The following ALDH1A2 variants were observed in gnomAD, a reference collection of about 807,000 sequenced individuals.
ALDH1A2 encodes the protein retinal dehydrogenase 2.
ALDH1A2 carries 27 observed loss-of-function variants against 60.3 expected under a neutral mutation model. That is an observed-to-expected ratio of 0.45 (90% CI 0.33 to 0.62). The LOEUF (loss-of-function observed/expected upper bound fraction) is 0.62. Ranked by LOEUF, ALDH1A2 falls within the 20% of genes least tolerant of loss-of-function variation. ALDH1A2 has a pLI of 0.02. For missense variants in ALDH1A2, 581 were observed against 643.8 expected, an observed-to-expected ratio of 0.90 and a Z score of 1.06; for synonymous variants, 289 against 232.4, an observed-to-expected ratio of 1.24 and a Z score of -2.21.
At position 58,062,199 on chromosome 15, in the gene ALDH1A2, A is replaced by G. The variant is rs115453470; in HGVS notation, c.117+3335T>C. Reference sequence around the variant, plus strand: ...CTTCCTCCCTGTGTTTCAGCCCCATATAATATCAGATGCAGAAAAAAAAAA... The same window carrying G: ...CTTCCTCCCTGTGTTTCAGCCCCATGTAATATCAGATGCAGAAAAAAAAAA... On this transcript the variant is annotated intron_variant, in intron 1 of 12. Coordinates refer to ENST00000249750, the MANE Select transcript of ALDH1A2 (RefSeq NM_003888.4). Among the ~76,000 whole-genome samples, 960 of 152,184 alleles carry G rather than the reference A, an allele frequency of 6.3e-3. 16 individuals are homozygous for G. The highest frequency in any genetic ancestry group is 0.022 in the African/African-American group (912 of 41,496).
At chr15:57,965,050 T>A (rs1303566071) in intron 8 of ALDH1A2, among the ~76,000 whole-genome samples, 3 of 151,500 alleles carry the variant, frequency 2.0e-5, no homozygotes, top group African/African-American at 7.3e-5. Context: ...GATGGTGGGA[T>A]TTCCTTACCT....
Position 57,985,681 on chromosome 15 carries a change from A to G in ALDH1A2, c.798+7024T>C, listed in dbSNP as rs188610521. Reference sequence around the variant, plus strand: ...TCTTTCCTCCTTCATGTAGCAACAAATATTTACTATGTATGTTTACTATAC... The same window carrying G: ...TCTTTCCTCCTTCATGTAGCAACAAGTATTTACTATGTATGTTTACTATAC... On this transcript the variant is annotated intron_variant, in intron 7 of 12. Transcript: ENST00000249750. Among the ~76,000 whole-genome samples, 33 of 152,266 alleles carry G rather than the reference A, an allele frequency of 2.2e-4. 2 individuals carry two copies. The highest frequency in any genetic ancestry group is 2.0e-3 in the Admixed American group (31 of 15,298).
chr15:58,027,622 A>G (rs1325920648), intron 1 of ALDH1A2, among the ~76,000 whole-genome samples: 1 of 152,172 alleles, frequency 6.6e-6, no homozygotes, highest in Non-Finnish European at 1.5e-5. Flanking sequence ...AGCATGTTCT[A>G]ACCCATCACA....
At position 58,010,753 on chromosome 15, in the gene ALDH1A2, T is replaced by G; in HGVS notation, c.389A>C (p.Lys130Thr). 6.2e-7 allele frequency: 1 copy of G among 1,613,418 alleles called. No homozygotes were observed. Among genetic ancestry groups the G allele is most frequent in the Non-Finnish European group, 8.5e-7 (1 of 1,179,480 alleles). Reference protein sequence around the residue: ...LATMESLNGGKPFLQAFYVDL... With the variant: ...LATMESLNGGTPFLQAFYVDL... ...CACATAAAAAGCTTGCAGGAATGGT[T>G]TGCCACCATTTAGGGATTCCATGGT... is the stretch of plus-strand genomic sequence containing the variant. Residue 130 changes from lysine to threonine, a missense_variant, in exon 4 of 13, where the codon AAA (lysine) becomes ACA (threonine). Lys to Thr is a moderately conservative substitution (Grantham distance 78). This residue lies in a region of ALDH1A2 where 206 missense variants were observed against 174.1 expected (regional missense o/e 1.18). Coordinates refer to ENST00000249750, the MANE Select transcript of ALDH1A2 (RefSeq NM_003888.4).
At chr15:58,007,696 C>A (rs1895503863) in intron 4 of ALDH1A2, among the ~76,000 whole-genome samples, 1 of 151,328 alleles carries the variant, frequency 6.6e-6, no homozygotes, top group Non-Finnish European at 1.5e-5. Flanking sequence ...CTTTATAATT[C>A]CCAACATAAA....
chr15:57,973,520 C>T lies in ALDH1A2; in HGVS notation c.799-7693G>A, dbSNP rs150407136. ...GTTCACTCTGGAAGAATCTATACAA[C>T]TTCTCAGGTAGCCTGCAAAGTTAGA... On this transcript the variant is annotated intron_variant, in intron 7 of 12. Transcript: ENST00000249750. Among the ~76,000 whole-genome samples, 359 of 152,286 alleles carry T rather than the reference C, an allele frequency of 2.4e-3. 1 individual carries two copies. The highest frequency in any genetic ancestry group is 8.3e-3 in the African/African-American group (346 of 41,564).
chr15:58,030,104 C>A (rs191706334), intron 1 of ALDH1A2, among the ~76,000 whole-genome samples: 117 of 152,248 alleles, frequency 7.7e-4, no homozygotes, highest in African/African-American at 2.6e-3. Context: ...AATTTTAGAC[C>A]AATATCCCTG....
intron 7 of ALDH1A2, 30 bp from the exon 8 acceptor site, chr15:57,965,857 G>C (rs541460118): frequency 6.4e-7 from 1 of 1,573,656 alleles, no homozygotes; most frequent in African/African-American, 1.3e-5. Context: ...GACAGGTTTT[G>C]CAAATCCTGC....
At chr15:57,995,517 C>T (rs1395577901) in intron 4 of ALDH1A2, among the ~76,000 whole-genome samples, 1 of 151,934 alleles carries the variant, frequency 6.6e-6, no homozygotes, top group Non-Finnish European at 1.5e-5. Flanking sequence ...AGTCAACAAA[C>T]CTTTAAATAA....
At chr15:57,958,180 G>A (rs1670704930) in intron 12 of ALDH1A2, among the ~76,000 whole-genome samples, 1 of 151,770 alleles carries the variant, frequency 6.6e-6, no homozygotes, top group African/African-American at 2.4e-5. Context: ...CCAGACTGGA[G>A]GTGACTTCTC....
intron 1 of ALDH1A2, among the ~76,000 whole-genome samples, chr15:58,024,532 T>C (rs1255785507): frequency 6.6e-6 from 1 of 152,124 alleles, no homozygotes; most frequent in Non-Finnish European, 1.5e-5. Flanking sequence ...TAAATATATA[T>C]GTATCAAACA....
intron 1 of ALDH1A2, among the ~76,000 whole-genome samples, chr15:58,043,214 C>T (rs1352590989): frequency 2.6e-5 from 4 of 151,934 alleles, no homozygotes; most frequent in African/African-American, 9.7e-5. Context: ...AGGCTCTTGA[C>T]AAACATTAAT....
Position 57,955,185 on chromosome 15 carries a change from T to C in ALDH1A2, c.*12A>G, listed in dbSNP as rs761031936. 1.1e-5 allele frequency: 17 copies of C among 1,613,886 alleles called. No homozygotes were observed. The Middle Eastern group carries it at 5.0e-4, about 47-fold the overall frequency. On this transcript the variant is annotated 3_prime_UTR_variant, in exon 13 of 13. Transcript: ENST00000249750. ...ACGTGCAGGCTGGGCTTCATCCTCCTTCTTGGCCTTCTTAGGAGTTCTTCT... is the reference window on the plus strand; with the variant it reads ...ACGTGCAGGCTGGGCTTCATCCTCCCTCTTGGCCTTCTTAGGAGTTCTTCT...
chr15:58,023,666 A>T (rs1349817884), intron 1 of ALDH1A2, among the ~76,000 whole-genome samples: 1 of 151,888 alleles, frequency 6.6e-6, no homozygotes, highest in Non-Finnish European at 1.5e-5. Context: ...GGGAAAAAAA[A>T]AAAAGGAACT....
chr15:58,038,321 G>C (rs1234886157), intron 1 of ALDH1A2, among the ~76,000 whole-genome samples: 2 of 151,606 alleles, frequency 1.3e-5, no homozygotes, highest in Non-Finnish European at 3.0e-5. Context: ...GAGTCAAATA[G>C]CCTTATCCCA....
intron 7 of ALDH1A2, among the ~76,000 whole-genome samples, chr15:57,966,981 G>A (rs1216622991): frequency 6.6e-6 from 1 of 152,144 alleles, no homozygotes; most frequent in African/African-American, 2.4e-5. Context: ...GTCTTGTTGA[G>A]ATGAAAAAAT....
At chr15:58,044,403 G>C (rs1055226744) in intron 1 of ALDH1A2, among the ~76,000 whole-genome samples, 4 of 151,934 alleles carry the variant, frequency 2.6e-5, no homozygotes, top group African/African-American at 9.7e-5. Context: ...AGAACATCCA[G>C]TGTGTGGTTT....
intron 7 of ALDH1A2, among the ~76,000 whole-genome samples, chr15:57,978,182 ATTTC>A (rs1372698734): frequency 1.4e-5 from 2 of 148,018 alleles, no homozygotes; most frequent in Non-Finnish European, 3.0e-5. Context: ...AATACCCTTT[ATTTC>A]TTTCTTTTGC....
chr15:57,995,712 T>G (rs1459590733), intron 4 of ALDH1A2, among the ~76,000 whole-genome samples: 4 of 152,002 alleles, frequency 2.6e-5, no homozygotes, highest in Admixed American at 6.6e-5. Context: ...AAAAGTCCAT[T>G]TCTAAAAAGA....
Sources: gnomAD v4.1 joint callset for allele counts (sites outside exome capture counted in the v4.1 genomes callset) on GRCh38, gnomAD v4.1.1 for gene constraint, gnomAD v4.1.1 regional missense constraint, MANE v1.5 for transcripts, NCBI Gene and HGNC (gene_info 2026-07-23, HGNC 2026-07-21) for gene names.